Variants in GABRG1 observed in about 807,000 individuals in gnomAD.
The protein encoded by GABRG1 is gamma-aminobutyric acid receptor subunit gamma-1.
Under a neutral mutation model 49.8 loss-of-function variants are expected in GABRG1, and 49 were observed. The observed-to-expected ratio is 0.98, with a 90% CI of 0.78 to 1.25. The LOEUF (loss-of-function observed/expected upper bound fraction) is 1.25, where lower values mean the gene tolerates loss of function less well. Among genes scored for constraint, GABRG1 ranks in the 50% most tolerant of loss-of-function variants. The pLI, the probability that GABRG1 is intolerant of heterozygous loss-of-function variation, is 0.00. For synonymous variants in GABRG1, 232 were observed against 185.1 expected (o/e 1.25, Z -2.06); for missense variants, 552 against 552.3 (o/e 1.00, Z 0.01).
intron 1 of GABRG1, among the ~76,000 whole-genome samples, chr4:46,106,175 G>A (rs947100895): frequency 1.1e-4 from 16 of 151,450 alleles, no homozygotes; most frequent in African/African-American, 3.9e-4. Context: ...AGGTTAGCCA[G>A]ACTTTCATTC....
intron 3 of GABRG1, among the ~76,000 whole-genome samples, chr4:46,083,187 C>T (rs1245541105): frequency 6.6e-6 from 1 of 151,636 alleles, no homozygotes; most frequent in African/African-American, 2.4e-5. Context: ...TCACCAAATT[C>T]TCAAAAAATT....
intron 1 of GABRG1, among the ~76,000 whole-genome samples, chr4:46,119,690 A>G (rs1161303495): frequency 5.3e-5 from 8 of 151,494 alleles, no homozygotes; most frequent in Non-Finnish European, 8.9e-5. Context: ...CTTTCAGTAT[A>G]TCTTCAAAAA....
At chr4:46,123,310 T>A (rs147204934) in intron 1 of GABRG1, among the ~76,000 whole-genome samples, 165 of 152,196 alleles carry the variant, frequency 1.1e-3, no homozygotes, top group African/African-American at 3.8e-3. Context: ...ATTTACAATA[T>A]TTCTTGATGT....
At chr4:46,088,461 CA>C (rs1378870522) in intron 2 of GABRG1, among the ~76,000 whole-genome samples, 1 of 151,798 alleles carries the variant, frequency 6.6e-6, no homozygotes, top group Non-Finnish European at 1.5e-5. Flanking sequence ...CTGACTTTTA[CA>C]AAATGTTGTA....
At chr4:46,075,426 G>A (rs553919281) in intron 3 of GABRG1, among the ~76,000 whole-genome samples, 1 of 152,080 alleles carries the variant, frequency 6.6e-6, no homozygotes, top group South Asian at 2.1e-4. Flanking sequence ...GAACTCCTGA[G>A]CTCAGGTGAT....
intron 1 of GABRG1, among the ~76,000 whole-genome samples, chr4:46,105,673 G>T (rs556984045): frequency 6.6e-6 from 1 of 151,364 alleles, no homozygotes; most frequent in Non-Finnish European, 1.5e-5. Context: ...TCCAATATGG[G>T]TTGGATCAAC....
chr4:46,056,146 T>G (rs1207559686), intron 7 of GABRG1, among the ~76,000 whole-genome samples: 2 of 5,684 alleles, frequency 3.5e-4, no homozygotes, highest in African/African-American at 1.2e-3. Context: ...AATAAATAAA[T>G]AAATTAAAAA....
At chr4:46,100,780 G>A (rs1272497473) in intron 1 of GABRG1, among the ~76,000 whole-genome samples, 7 of 148,784 alleles carry the variant, frequency 4.7e-5, no homozygotes, top group Non-Finnish European at 1.0e-4. Flanking sequence ...AATCCACATG[G>A]TGATACTAGT....
At chr4:46,048,857 G>A (rs973546633) in intron 8 of GABRG1, among the ~76,000 whole-genome samples, 7 of 151,866 alleles carry the variant, frequency 4.6e-5, no homozygotes, top group African/African-American at 1.7e-4. Context: ...GTTCTTTGAA[G>A]CTAAAAATCT....
Position 46,041,113 on chromosome 4 carries a change from C to T in GABRG1, c.1273G>A (p.Gly425Arg), listed in dbSNP as rs200863268. 8 of 1,613,210 alleles carry T rather than the reference C, an allele frequency of 5.0e-6. No individual in the cohort carries two copies. In the East Asian group the frequency reaches 1.1e-4, roughly 22 times the overall value. Residue 425 changes from glycine to arginine, a missense_variant, in exon 9 of 9, where the codon GGA (glycine) becomes AGA (arginine). Transcript: ENST00000295452. ...FFCCFEDCRT[G>R]SWREGRIHIR... ...TGTATCCTTCCTTCCCTCCAAGATC[C>T]TGTTCTGCAGTCTTCAAAGCAACAG...
chr4:46,096,536 C>G (rs529290553), intron 2 of GABRG1, among the ~76,000 whole-genome samples: 42 of 151,780 alleles, frequency 2.8e-4, no homozygotes, highest in Non-Finnish European at 4.9e-4. Context: ...TTTTCCCTAT[C>G]ACTGCTCAGT....
At chr4:46,090,567 A>G (rs901489946) in intron 2 of GABRG1, among the ~76,000 whole-genome samples, 2 of 152,048 alleles carry the variant, frequency 1.3e-5, no homozygotes, top group African/African-American at 4.8e-5. Flanking sequence ...AATAATAGTA[A>G]AGTATAAGGA....
intron 1 of GABRG1, among the ~76,000 whole-genome samples, chr4:46,120,395 G>C (rs941538080): frequency 6.6e-6 from 1 of 151,128 alleles, no homozygotes; most frequent in African/African-American, 2.4e-5. Flanking sequence ...ATTTCCTCTT[G>C]TTCCTTAGCC....
Position 46,036,961 on chromosome 4 carries a change from T to G in GABRG1, c.*4027A>C, listed in dbSNP as rs1168398984. 3 of 151,944 alleles carry G rather than the reference T, an allele frequency of 2.0e-5. No individual in the cohort carries two copies. Among genetic ancestry groups the G allele is most frequent in the Non-Finnish European group, 4.4e-5 (3 of 67,908 alleles). The allele number at this position is 151,944 out of a possible 1,614,324, so 9.4% of individuals were successfully genotyped here. On this transcript the variant is annotated 3_prime_UTR_variant, in exon 9 of 9. Coordinates refer to ENST00000295452, the MANE Select transcript of GABRG1 (RefSeq NM_173536.4). ...ACTTCCAATTAATATGGAATTTTCA[T>G]TTGTGCCCAGGCTTCTGTTTCTTTT...
At chr4:46,047,841 C>T (rs1340996255) in intron 8 of GABRG1, among the ~76,000 whole-genome samples, 11 of 151,736 alleles carry the variant, frequency 7.2e-5, no homozygotes, top group African/African-American at 1.9e-4. Flanking sequence ...TTTGTATTTG[C>T]GATGCATTTT....
Position 46,035,898 on chromosome 4 carries a change from A to G in GABRG1, c.*5090T>C, listed in dbSNP as rs1717500582. On this transcript the variant is annotated 3_prime_UTR_variant, in exon 9 of 9. Transcript: ENST00000295452. ...AAAATTACAAATGTTCCTCAAAACA[A>G]TGAGGCAGTAGCAGAATAACAGAAG... 2.0e-5 allele frequency: 3 copies of G among 152,018 alleles called. No homozygotes were observed. Among genetic ancestry groups the G allele is most frequent in the Admixed American group, 2.0e-4 (3 of 15,232 alleles). The allele number at this position is 152,018 out of a possible 1,614,324, so 9.4% of individuals were successfully genotyped here.
chr4:46,082,338 C>T (rs904841279), intron 3 of GABRG1, among the ~76,000 whole-genome samples: 1 of 151,508 alleles, frequency 6.6e-6, no homozygotes, highest in Non-Finnish European at 1.5e-5. Flanking sequence ...CTTCTTCTCT[C>T]CTCTACCTTC....
intron 1 of GABRG1, among the ~76,000 whole-genome samples, chr4:46,123,473 T>G (rs7670808): frequency 0.07 from 10,634 of 152,090 alleles, 1,246 homozygotes; most frequent in African/African-American, 0.24. Flanking sequence ...AGAAAGTTCT[T>G]CGGTGGCATT....
chr4:46,045,663 C>T (rs952215363), intron 8 of GABRG1, among the ~76,000 whole-genome samples: 14 of 151,670 alleles, frequency 9.2e-5, no homozygotes, highest in African/African-American at 3.4e-4. Context: ...GAATTAATCA[C>T]AATAATGAAT....
Sources: allele counts gnomAD v4.1 joint callset (sites outside exome capture counted in the v4.1 genomes callset), GRCh38; gene constraint gnomAD v4.1.1; transcripts MANE v1.5; gene names NCBI Gene and HGNC (gene_info 2026-07-23, HGNC 2026-07-21).